The following CCDC83 variants were observed in gnomAD, a reference collection of about 807,000 sequenced individuals.
CCDC83 encodes coiled-coil domain containing 83, also known as coiled-coil domain-containing protein 83.
A neutral mutation model predicts 50.1 loss-of-function variants in CCDC83; 54 were observed. The ratio of observed to expected loss-of-function variants is 1.08; its 90% CI spans 0.87 to 1.35. The LOEUF (loss-of-function observed/expected upper bound fraction) is 1.35. CCDC83 is among the 40% of genes most tolerant of loss of function. CCDC83 has a pLI of 0.00. For synonymous variants in CCDC83, 161 were observed against 153.3 expected (o/e 1.05, Z -0.37); for missense variants, 518 against 473.9 (o/e 1.09, Z -0.86).
intron 1 of CCDC83, among the ~76,000 whole-genome samples, chr11:85,863,118 C>T (rs1400385540): frequency 6.6e-6 from 1 of 152,196 alleles, no homozygotes; most frequent in East Asian, 1.9e-4. Context: ...AACACTTGAT[C>T]TCTTCCATAT....
At chr11:85,876,791 C>T (rs2135015593) in intron 3 of CCDC83, among the ~76,000 whole-genome samples, 1 of 152,324 alleles carries the variant, frequency 6.6e-6, no homozygotes, top group African/African-American at 2.4e-5. Context: ...AGGGGTGAGC[C>T]ACCACACCCA....
At chr11:85,906,285 T>G (rs78541568) in intron 7 of CCDC83, among the ~76,000 whole-genome samples, 13,089 of 151,956 alleles carry the variant, frequency 0.086, 742 homozygotes, top group African/African-American at 0.15. Flanking sequence ...CAGGCTAGTC[T>G]CAAAGTCCCG....
chr11:85,857,931 G>C lies in CCDC83; in HGVS notation c.-29+2347G>C, dbSNP rs115490357. Among the ~76,000 whole-genome samples the C allele has an allele frequency of 4.1e-3, 620 of 152,332 alleles. 4 individuals carry two copies. Among genetic ancestry groups the C allele is most frequent in the African/African-American group, 0.014 (592 of 41,566 alleles). On this transcript the variant is annotated intron_variant, in intron 1 of 10. Transcript: ENST00000342404. ...CACAGGCTGTGTTAACATCATCCTT[G>C]GCTGGCACTTTAAGCAGATGAAGGA...
At chr11:85,911,171 CAAAT>C in intron 7 of CCDC83, 106 bp from the exon 8 acceptor site, 1 of 850,184 alleles carries the variant, frequency 1.2e-6, no homozygotes, top group Non-Finnish European at 1.5e-6. Flanking sequence ...AACTCCGTCT[CAAAT>C]AAAAAAAAAA....
chr11:85,904,837 C>G (rs2093417780), intron 7 of CCDC83, among the ~76,000 whole-genome samples: 1 of 152,176 alleles, frequency 6.6e-6, no homozygotes, highest in African/African-American at 2.4e-5. Context: ...CCCTATTTGA[C>G]TGAGTATAGT....
intron 2 of CCDC83, among the ~76,000 whole-genome samples, chr11:85,872,250 C>T (rs1210551386): frequency 6.6e-6 from 1 of 152,062 alleles, no homozygotes; most frequent in Non-Finnish European, 1.5e-5. Flanking sequence ...TTTGAGAGCC[C>T]GAAGCGGGCA....
Position 85,919,449 on chromosome 11 carries a change from A to AT in CCDC83, c.1182dup (p.Lys395Ter). 1 of 1,613,128 alleles carries AT rather than the reference A, an allele frequency of 6.2e-7. No individual in the cohort carries two copies. The highest frequency in any genetic ancestry group is 1.1e-5 in the South Asian group (1 of 91,030). On this transcript the variant is annotated frameshift_variant, in exon 11 of 11. Coordinates refer to ENST00000342404, the MANE Select transcript of CCDC83 (RefSeq NM_001286159.2). LOFTEE classifies it high-confidence loss of function. ...GAGAAGGAAATTCCAGTCAAACTCT[A>AT]TAAAGATGTCAGGAGCCCAGAAAGC... is the stretch of plus-strand genomic sequence containing the variant.
rs191205463 is a variant in CCDC83 at position 85,907,340 on chromosome 11, T to C, written c.673-3941T>C. On this transcript the variant is annotated intron_variant, in intron 7 of 10. Transcript: ENST00000342404. ...TATCTGGTTTTATTTAGCATGCTTATTAGAAAATGAAGGAAACTGGAATTT... is the reference window on the plus strand; with the variant it reads ...TATCTGGTTTTATTTAGCATGCTTACTAGAAAATGAAGGAAACTGGAATTT... Among the ~76,000 whole-genome samples, 827 of 152,290 alleles carry C rather than the reference T, an allele frequency of 5.4e-3. 7 individuals are homozygous for C. The highest frequency in any genetic ancestry group is 9.9e-3 in the Non-Finnish European group (671 of 68,014).
At chr11:85,899,066 G>A in intron 7 of CCDC83, 51 bp downstream of exon 7, 1 of 1,356,282 alleles carries the variant, frequency 7.4e-7, no homozygotes, top group Non-Finnish European at 1.1e-6. Flanking sequence ...ATTTTTTTAA[G>A]TGGAAATGAC....
chr11:85,887,422 A>G (rs1377262205), intron 5 of CCDC83, among the ~76,000 whole-genome samples: 3 of 152,086 alleles, frequency 2.0e-5, no homozygotes, highest in Admixed American at 6.6e-5. Flanking sequence ...ATGTCCCCCT[A>G]TCAGGGCTCT....
chr11:85,876,810 T>C (rs995605680), intron 3 of CCDC83, among the ~76,000 whole-genome samples: 1 of 152,166 alleles, frequency 6.6e-6, no homozygotes, highest in Non-Finnish European at 1.5e-5. Context: ...CAGCCTCTTT[T>C]CTTGTTCTTA....
chr11:85,860,220 T>G (rs2093167764), intron 1 of CCDC83, among the ~76,000 whole-genome samples: 1 of 149,156 alleles, frequency 6.7e-6, no homozygotes, highest in East Asian at 2.0e-4. Context: ...GAGAATCACT[T>G]GAACCCTGGA....
chr11:85,917,912 C>G (rs2093489988), intron 10 of CCDC83: 2 of 152,112 alleles, frequency 1.3e-5, no homozygotes, highest in South Asian at 4.1e-4. Flanking sequence ...ACTTACTTTC[C>G]ATGAAAGTTT....
chr11:85,866,547 G>A (rs1042139052), intron 2 of CCDC83, among the ~76,000 whole-genome samples: 2 of 152,056 alleles, frequency 1.3e-5, no homozygotes, highest in African/African-American at 4.8e-5. Flanking sequence ...CTGCTATTTA[G>A]GAGGTGGAGA....
At chr11:85,918,523 T>C (rs565426646) in intron 10 of CCDC83, among the ~76,000 whole-genome samples, 2 of 152,276 alleles carry the variant, frequency 1.3e-5, no homozygotes, top group African/African-American at 4.8e-5. Flanking sequence ...CAGTTTTGGG[T>C]TGGCTATGGA....
At chr11:85,863,251 A>G (rs2093188105) in intron 1 of CCDC83, among the ~76,000 whole-genome samples, 1 of 152,244 alleles carries the variant, frequency 6.6e-6, no homozygotes, top group Admixed American at 6.5e-5. Context: ...TTTTTGTGCA[A>G]CAGCCAAGTT....
At chr11:85,868,478 A>T (rs982704662) in intron 2 of CCDC83, among the ~76,000 whole-genome samples, 8 of 152,270 alleles carry the variant, frequency 5.3e-5, no homozygotes, top group Non-Finnish European at 1.0e-4. Context: ...GGATTCAAGC[A>T]ATTCTCCCAC....
At chr11:85,918,020 C>G (rs1468280580) in intron 10 of CCDC83, 2 of 152,190 alleles carry the variant, frequency 1.3e-5, no homozygotes, top group African/African-American at 2.4e-5. Context: ...ACTTGCTTTT[C>G]TACTATCTTA....
chr11:85,879,402 G>A (rs2093286550), intron 3 of CCDC83, among the ~76,000 whole-genome samples: 1 of 151,848 alleles, frequency 6.6e-6, no homozygotes, highest in East Asian at 1.9e-4. Context: ...TCTCTTTCCT[G>A]CATTGAATTG....
Sources: gnomAD v4.1 joint callset for allele counts (sites outside exome capture counted in the v4.1 genomes callset) on GRCh38, gnomAD v4.1.1 for gene constraint, MANE v1.5 for transcripts, NCBI Gene and HGNC (gene_info 2026-07-23, HGNC 2026-07-21) for gene names.